DNM2: variants seen among roughly 807,000 people sequenced by gnomAD.
DNM2 encodes dynamin-2.
A neutral mutation model predicts 99.0 loss-of-function variants in DNM2; 15 were observed. The observed-to-expected ratio is 0.15, with a 90% confidence interval of 0.10 to 0.23. DNM2 has a LOEUF of 0.23. DNM2 is among the 10% of genes least tolerant of loss of function. The pLI is 1.00. For missense variants in DNM2, 742 were observed against 1,189.4 expected, an observed-to-expected ratio of 0.62 and a Z score of 5.53; for synonymous variants, 525 against 481.2, an observed-to-expected ratio of 1.09 and a Z score of -1.19.
Position 10,818,025 on chromosome 19 carries a change from G to C in DNM2, c.1672-1955G>C, listed in dbSNP as rs1483173549. On this transcript the variant is annotated intron_variant, in intron 15 of 20. Coordinates refer to ENST00000389253, the MANE Select transcript of DNM2 (RefSeq NM_001005361.3). The surrounding 1 kb of genome is among the most constrained non-coding windows in gnomAD (Gnocchi z 4.3). ...CCTTGGGCAAACGTCCGAGCCGGGG[G>C]CAGGGCTTCTGCAGAGCCCCCTCCC... is the stretch of plus-strand genomic sequence containing the variant. 6.6e-6 allele frequency among the ~76,000 whole-genome samples: 1 copy of C among 152,122 alleles called. No homozygotes were observed. Among genetic ancestry groups the C allele is most frequent in the Non-Finnish European group, 1.5e-5 (1 of 67,994 alleles).
chr19:10,743,551 C>G (rs994198739), intron 1 of DNM2, among the ~76,000 whole-genome samples: 3 of 151,806 alleles, frequency 2.0e-5, no homozygotes, highest in African/African-American at 7.3e-5. Flanking sequence ...TGGCTCACAC[C>G]TGTAATCCCA....
In DNM2 at chr19:10,820,551, A is replaced by G. The variant is rs551315612; in HGVS notation, c.1781+462A>G. Among the ~76,000 whole-genome samples, 1 of 152,350 alleles carries G rather than the reference A, an allele frequency of 6.6e-6. No individual in the cohort carries two copies. The highest frequency in any genetic ancestry group is 2.4e-5 in the African/African-American group (1 of 41,584). ...AGGCGGAGCCCTGGTGGGCATGGATATGAGAGAGAAAGGCACCAATTGTGA... is the reference window on the plus strand; with the variant it reads ...AGGCGGAGCCCTGGTGGGCATGGATGTGAGAGAGAAAGGCACCAATTGTGA... On this transcript the variant is annotated intron_variant, in intron 16 of 20. Coordinates refer to ENST00000389253, the MANE Select transcript of DNM2 (RefSeq NM_001005361.3). This position sits in a 1 kb window ranked among gnomAD's most constrained non-coding sequence, Gnocchi z 4.3.
intron 7 of DNM2, among the ~76,000 whole-genome samples, chr19:10,791,753 C>G (rs1399841541): frequency 6.6e-6 from 1 of 152,124 alleles, no homozygotes; most frequent in African/African-American, 2.4e-5. Flanking sequence ...AGTGCTATGC[C>G]TTTGCTGACC....
At chr19:10,805,276 C>G (rs761217055) in intron 12 of DNM2, among the ~76,000 whole-genome samples, 1 of 152,166 alleles carries the variant, frequency 6.6e-6, no homozygotes, top group Non-Finnish European at 1.5e-5. Flanking sequence ...AGTCTGATGT[C>G]TAAGACTGGA....
At chr19:10,774,663 T>C (rs1359567831) in intron 3 of DNM2, among the ~76,000 whole-genome samples, 1 of 151,486 alleles carries the variant, frequency 6.6e-6, no homozygotes, top group African/African-American at 2.4e-5. Flanking sequence ...CGACCTCAGG[T>C]GATCGCCTGC....
chr19:10,792,271 T>C (rs555508548), intron 7 of DNM2, among the ~76,000 whole-genome samples: 2 of 152,270 alleles, frequency 1.3e-5, no homozygotes, highest in Non-Finnish European at 2.9e-5. Context: ...AGACCCCCCT[T>C]TCTTTGGCAG....
At chr19:10,763,528 A>C (rs927140985) in intron 2 of DNM2, 3 of 152,260 alleles carry the variant, frequency 2.0e-5, no homozygotes, top group African/African-American at 7.2e-5. Context: ...TATTGCTCCA[A>C]GTAGGTGCCC....
At chr19:10,744,127 C>T (rs1184074257) in intron 1 of DNM2, among the ~76,000 whole-genome samples, 1 of 151,796 alleles carries the variant, frequency 6.6e-6, no homozygotes, top group East Asian at 1.9e-4. Flanking sequence ...CACTACACTT[C>T]GGCTGGGGTG....
chr19:10,730,610 G>A (rs2069280109), intron 1 of DNM2, among the ~76,000 whole-genome samples: 1 of 152,164 alleles, frequency 6.6e-6, no homozygotes, highest in African/African-American at 2.4e-5. Flanking sequence ...CAGGGACCCT[G>A]AAGCAAGGAC....
chr19:10,748,815 G>A (rs1036010719), intron 1 of DNM2, among the ~76,000 whole-genome samples: 1 of 152,196 alleles, frequency 6.6e-6, no homozygotes, highest in African/African-American at 2.4e-5. Context: ...AGGATTTGCC[G>A]CTATGTTGCC....
rs2072932235 is a variant in DNM2, at chr19:10,820,326, G to A, written c.1781+237G>A. Among the ~76,000 whole-genome samples the A allele has an allele frequency of 6.6e-6, 1 of 152,252 alleles. No individual in the cohort carries two copies. The highest frequency in any genetic ancestry group is 1.5e-5 in the Non-Finnish European group (1 of 68,046). ...GATGAAGGCAGGCTCCGAGTCAGTG[G>A]GAGCCATGGAGAGTTCTGAGCACAG... is the stretch of plus-strand genomic sequence containing the variant. On this transcript the variant is annotated intron_variant, in intron 16 of 20. Coordinates refer to ENST00000389253, the MANE Select transcript of DNM2 (RefSeq NM_001005361.3). The surrounding 1 kb of genome is among the most constrained non-coding windows in gnomAD (Gnocchi z 4.3).
chr19:10,809,929 T>C (rs1170634501), intron 14 of DNM2: 1 of 152,458 alleles, frequency 6.6e-6, no homozygotes, highest in African/African-American at 2.4e-5. Flanking sequence ...AGGTTCCTCA[T>C]GTGTTCCCCC....
In DNM2 at chr19:10,798,518, A is replaced by G. The variant is rs1207399656; in HGVS notation, c.1368A>G (p.Thr456=). 3 of 1,614,218 alleles carry G rather than the reference A, an allele frequency of 1.9e-6. No individual in the cohort carries two copies. The highest frequency in any genetic ancestry group is 2.5e-6 in the Non-Finnish European group (3 of 1,180,030). The part of the protein sequence containing the change: ...LSSYPRLREE[T]ERIVTTYIRE... ...CCTACCCCCGGTTGCGAGAGGAGAC[A>G]GAGCGAATCGTCACCACTTACATCC... Residue 456 remains threonine, a synonymous_variant, in exon 11 of 21, where the codon ACA becomes ACG. Transcript: ENST00000389253.
rs753402698 is a variant in DNM2, at chr19:10,808,575, A to C, written c.1552A>C (p.Ile518Leu). The C allele has an allele frequency of 3.8e-5, 61 of 1,612,116 alleles. No homozygotes were observed. Among genetic ancestry groups the C allele is most frequent in the Non-Finnish European group, 4.7e-5 (55 of 1,179,248 alleles). The change falls in exon 14 of 21, where the codon ATC (isoleucine) becomes CTC (leucine). Residue 518 changes from isoleucine to leucine, a missense_variant. Around this residue, in one of 7 missense-constraint regions of DNM2, gnomAD observed 240 missense variants for 431.3 expected, o/e 0.56. Coordinates refer to ENST00000389253, the MANE Select transcript of DNM2 (RefSeq NM_001005361.3). Reference protein sequence around the residue: ...KKRAIPNQGEILVIRRGWLTI... With the variant: ...KKRAIPNQGELLVIRRGWLTI... Reference sequence around the variant, plus strand: ...TAACTTTGCATATTCAAAGGGGGAGATCCTGGTAAGTACATGCTTAGTGTG... The same window carrying C: ...TAACTTTGCATATTCAAAGGGGGAGCTCCTGGTAAGTACATGCTTAGTGTG...
chr19:10,800,148 C>T (rs76214626), intron 11 of DNM2, among the ~76,000 whole-genome samples: 139 of 152,336 alleles, frequency 9.1e-4, no homozygotes, highest in Admixed American at 6.5e-3. Flanking sequence ...TGAGCCACTG[C>T]TCCCAGATCT....
At chr19:10,801,819 C>G (rs1599581792) in intron 11 of DNM2, among the ~76,000 whole-genome samples, 1 of 147,316 alleles carries the variant, frequency 6.8e-6, no homozygotes, top group Non-Finnish European at 1.5e-5. Context: ...GCAGGAGAAT[C>G]GCTTGAACCC....
At position 10,796,696 on chromosome 19, in the gene DNM2, T is replaced by C. The variant is rs2071946068; in HGVS notation, c.1197-684T>C. ...ACATCATGAGAGCCAGCTGGGGTCCTAAGTGCCCCTGCCCACCCCCTGCAC... is the reference window on the plus strand; with the variant it reads ...ACATCATGAGAGCCAGCTGGGGTCCCAAGTGCCCCTGCCCACCCCCTGCAC... On this transcript the variant is annotated intron_variant, in intron 9 of 20. Coordinates refer to ENST00000389253, the MANE Select transcript of DNM2 (RefSeq NM_001005361.3). This position sits in a 1 kb window ranked among gnomAD's most constrained non-coding sequence, Gnocchi z 5.6. Among the ~76,000 whole-genome samples, 4 of 152,120 alleles carry C rather than the reference T, an allele frequency of 2.6e-5. No homozygotes were observed. The South Asian group carries it at 8.3e-4, about 31-fold the overall frequency.
At chr19:10,757,898 G>A (rs949796487) in intron 1 of DNM2, among the ~76,000 whole-genome samples, 2 of 141,774 alleles carry the variant, frequency 1.4e-5, no homozygotes, top group Non-Finnish European at 3.0e-5. Context: ...AGTTGAGATC[G>A]AGCCACTGCA....
chr19:10,806,090 CCAT>C, intron 13 of DNM2, 123 bp downstream of exon 13: 1 of 1,221,782 alleles, frequency 8.2e-7, no homozygotes. Flanking sequence ...CAGTACCAGG[CCAT>C]CTGCTCTCTC....
Sources: allele counts gnomAD v4.1 joint callset (sites outside exome capture counted in the v4.1 genomes callset), GRCh38; gene constraint gnomAD v4.1.1; regional missense constraint gnomAD v4.1.1; non-coding constraint Gnocchi (gnomAD v3.1); transcripts MANE v1.5; gene names NCBI Gene and HGNC (gene_info 2026-07-23, HGNC 2026-07-21).